Variants in SPOCK1 observed in about 807,000 individuals in gnomAD.
The protein encoded by SPOCK1 is testican-1.
In SPOCK1, 23 loss-of-function variants were observed where a neutral mutation model predicts 55.3. The observed-to-expected ratio is 0.42, with a 90% confidence interval of 0.30 to 0.59. The LOEUF (loss-of-function observed/expected upper bound fraction) is 0.59, where lower values mean the gene tolerates loss of function less well. Among genes scored for constraint, SPOCK1 ranks in the 20% least tolerant of loss-of-function variants. The probability of loss-of-function intolerance (pLI) is 0.22; values close to 1 mark genes in which losing one functional copy is unlikely to be tolerated. For missense variants in SPOCK1, 499 were observed against 552.5 expected (o/e 0.90, Z 0.97); for synonymous variants, 226 against 221.0 (o/e 1.02, Z -0.20).
chr5:137,322,592 T>G (rs1235984375), intron 2 of SPOCK1, among the ~76,000 whole-genome samples: 1 of 151,940 alleles, frequency 6.6e-6, no homozygotes. Context: ...TGACTGAAGC[T>G]AAGCTGATAT....
At chr5:137,379,307 G>C (rs1406971787) in intron 2 of SPOCK1, among the ~76,000 whole-genome samples, 2 of 150,236 alleles carry the variant, frequency 1.3e-5, no homozygotes, top group African/African-American at 4.9e-5. Context: ...TCACAGAAAA[G>C]ACAGAATAAC....
intron 2 of SPOCK1, among the ~76,000 whole-genome samples, chr5:137,297,484 C>T (rs1238214234): frequency 1.3e-5 from 2 of 152,188 alleles, no homozygotes; most frequent in Admixed American, 6.5e-5. Flanking sequence ...TGATAAGAGA[C>T]ATTTCTTCCT....
intron 6 of SPOCK1, among the ~76,000 whole-genome samples, chr5:137,066,007 C>T (rs1752500162): frequency 6.6e-6 from 1 of 152,132 alleles, no homozygotes; most frequent in Non-Finnish European, 1.5e-5. Context: ...TTTTTATTTG[C>T]AAAATCATGA....
chr5:137,084,954 C>CAAA (rs10568473), intron 5 of SPOCK1, among the ~76,000 whole-genome samples: 1,185 of 114,128 alleles, frequency 0.01, 22 homozygotes, highest in African/African-American at 0.034. Context: ...TTATACAAAG[C>CAAA]AAAAAAAAAA....
At chr5:137,145,245 T>G (rs1040147628) in intron 3 of SPOCK1, among the ~76,000 whole-genome samples, 2 of 152,218 alleles carry the variant, frequency 1.3e-5, no homozygotes, top group African/African-American at 4.8e-5. Flanking sequence ...GCCAGTTAAT[T>G]ACTGGTTCCA....
intron 4 of SPOCK1, among the ~76,000 whole-genome samples, chr5:137,112,814 T>A (rs4976411): frequency 6.8e-6 from 1 of 146,348 alleles, no homozygotes; most frequent in Admixed American, 7.0e-5. Context: ...ACATGACTAC[T>A]GACATGGGAA....
At chr5:137,184,381 C>A (rs1412887009) in intron 3 of SPOCK1, among the ~76,000 whole-genome samples, 2 of 152,126 alleles carry the variant, frequency 1.3e-5, no homozygotes, top group Non-Finnish European at 2.9e-5. Context: ...CCCCTGGGCC[C>A]ACACATGTTA....
intron 2 of SPOCK1, among the ~76,000 whole-genome samples, chr5:137,344,634 T>A (rs932124329): frequency 1.3e-5 from 2 of 152,216 alleles, no homozygotes; most frequent in African/African-American, 4.8e-5. Context: ...GCAGGACAAC[T>A]GCCTGCAACA....
intron 2 of SPOCK1, among the ~76,000 whole-genome samples, chr5:137,332,810 A>C (rs1358919994): frequency 6.6e-6 from 1 of 152,196 alleles, no homozygotes; most frequent in Non-Finnish European, 1.5e-5. Context: ...CTGCTGAAAA[A>C]ATGCATATAT....
At chr5:137,182,248 A>T (rs900032719) in intron 3 of SPOCK1, among the ~76,000 whole-genome samples, 10 of 152,196 alleles carry the variant, frequency 6.6e-5, no homozygotes, top group African/African-American at 2.2e-4. Context: ...TAATGTCCAG[A>T]TAATAAATGA....
At chr5:137,438,193 G>A (rs1752904474) in intron 2 of SPOCK1, among the ~76,000 whole-genome samples, 1 of 152,004 alleles carries the variant, frequency 6.6e-6, no homozygotes, top group African/African-American at 2.4e-5. Flanking sequence ...GAGCAGGGAG[G>A]GAGACCAGAA....
Position 137,492,596 on chromosome 5 carries a change from A to G in SPOCK1, c.186+5777T>C, listed in dbSNP as rs369903284. On this transcript the variant is annotated intron_variant, in intron 2 of 10. Coordinates refer to ENST00000394945, the MANE Select transcript of SPOCK1 (RefSeq NM_004598.4). ...TCACTTGCAATCTAAAGTTTCACCA[A>G]AGGAATATTATTATCATTTCTTAAC... is the stretch of plus-strand genomic sequence containing the variant. Among the ~76,000 whole-genome samples, 47 of 152,342 alleles carry G rather than the reference A, an allele frequency of 3.1e-4. No homozygotes were observed. The South Asian group carries it at 6.8e-3, about 22-fold the overall frequency.
chr5:137,297,561 G>C (rs1757513144), intron 2 of SPOCK1, among the ~76,000 whole-genome samples: 1 of 152,148 alleles, frequency 6.6e-6, no homozygotes, highest in African/African-American at 2.4e-5. Flanking sequence ...GTTTTAAGGA[G>C]ACTATGAGGT....
chr5:136,975,923 A>G lies in SPOCK1; in HGVS notation c.*2731T>C, dbSNP rs1296382546. 2 of 152,250 alleles carry G rather than the reference A, an allele frequency of 1.3e-5. No homozygotes were observed. The highest frequency in any genetic ancestry group is 2.9e-5 in the Non-Finnish European group (2 of 68,040). The allele number at this position is 152,250 out of a possible 1,614,324, so 9.4% of individuals were successfully genotyped here. ...GGAATAAGAATAAAACTGTTCATTA[A>G]GAACTTTTCAAAAGTGAATTAGTGA... On this transcript the variant is annotated 3_prime_UTR_variant, in exon 11 of 11. Transcript: ENST00000394945.
chr5:137,490,518 T>A lies in SPOCK1; in HGVS notation c.186+7855A>T, dbSNP rs575258730. On this transcript the variant is annotated intron_variant, in intron 2 of 10. Transcript: ENST00000394945. Reference sequence around the variant, plus strand: ...GTTGGATCATTTGTCTCAAAATGGATCCCATCCCCTGGTGCCCATAAAGCC... The same window carrying A: ...GTTGGATCATTTGTCTCAAAATGGAACCCATCCCCTGGTGCCCATAAAGCC... 4.0e-3 allele frequency among the ~76,000 whole-genome samples: 614 copies of A among 152,244 alleles called. 3 individuals carry two copies. The highest frequency in any genetic ancestry group is 7.1e-3 in the Non-Finnish European group (483 of 68,024).
intron 2 of SPOCK1, among the ~76,000 whole-genome samples, chr5:137,398,157 C>A (rs577854616): frequency 6.6e-6 from 1 of 152,126 alleles, no homozygotes; most frequent in East Asian, 1.9e-4. Context: ...ATGAGGCCTG[C>A]CAGCCAGCCT....
chr5:137,349,757 TC>T lies in SPOCK1; in HGVS notation c.187-82703del, dbSNP rs1750635802. On this transcript the variant is annotated intron_variant, in intron 2 of 10. Transcript: ENST00000394945. ...ATCTTCACATGGTGTTCTCTCTGTG[TC>T]TTCACACTCTTCTCTCTCTGCATGT... Among the ~76,000 whole-genome samples, 6 of 152,184 alleles carry T rather than the reference TC, an allele frequency of 3.9e-5. 1 individual carries two copies. The South Asian group carries it at 1.2e-3, about 32-fold the overall frequency.
intron 3 of SPOCK1, among the ~76,000 whole-genome samples, chr5:137,194,091 A>G (rs1755247104): frequency 1.3e-5 from 2 of 151,988 alleles, no homozygotes; most frequent in South Asian, 4.2e-4. Flanking sequence ...AAAATATTGC[A>G]CACCTCACTC....
chr5:137,187,166 A>G (rs1755084292), intron 3 of SPOCK1, among the ~76,000 whole-genome samples: 1 of 151,628 alleles, frequency 6.6e-6, no homozygotes, highest in Non-Finnish European at 1.5e-5. Flanking sequence ...CATGCCGCCC[A>G]CTCCATGGCT....
Sources: gnomAD v4.1 joint callset for allele counts (sites outside exome capture counted in the v4.1 genomes callset) on GRCh38, gnomAD v4.1.1 for gene constraint, MANE v1.5 for transcripts, NCBI Gene and HGNC (gene_info 2026-07-23, HGNC 2026-07-21) for gene names.